The following KIF11 variants were observed in gnomAD, a reference collection of about 807,000 sequenced individuals.
The protein encoded by KIF11 is kinesin-like protein KIF11.
Under a neutral mutation model 121.0 loss-of-function variants are expected in KIF11, and 9 were observed. The observed-to-expected ratio is 0.07, with a 90% CI of 0.04 to 0.13. The LOEUF (loss-of-function observed/expected upper bound fraction) is 0.13, where lower values mean the gene tolerates loss of function less well. Among genes scored for constraint, KIF11 ranks in the 10% least tolerant of loss-of-function variants. The pLI is 1.00. For synonymous variants in KIF11, 408 were observed against 421.0 expected (o/e 0.97, Z 0.38); for missense variants, 846 against 1,217.5 (o/e 0.69, Z 4.54).
chr10:92,644,803 C>G (rs536503842), intron 17 of KIF11, among the ~76,000 whole-genome samples: 1 of 152,142 alleles, frequency 6.6e-6, no homozygotes, highest in African/African-American at 2.4e-5. Context: ...TGGAAATTAT[C>G]AATGAATTTT....
chr10:92,600,255 G>A (rs373000512), intron 1 of KIF11, among the ~76,000 whole-genome samples: 4 of 151,546 alleles, frequency 2.6e-5, no homozygotes, highest in East Asian at 2.0e-4. Flanking sequence ...CGCCCGCTTC[G>A]GCCTCCCAAA....
chr10:92,647,893 G>GAA (rs1844936877), intron 18 of KIF11, among the ~76,000 whole-genome samples: 1 of 152,120 alleles, frequency 6.6e-6, no homozygotes, highest in Non-Finnish European at 1.5e-5. Flanking sequence ...CAGATTGCTT[G>GAA]AGCCCAGGAG....
rs1290567787 is a variant in KIF11 at position 92,645,451 on chromosome 10, T to C, written c.2356T>C (p.Phe786Leu). ...TGGCTTCTCACAGGAACTCAGAAAT[T>C]TTAACCAAGAAGGTACAAAATTGGT... ...SDGFSQELRN[F>L]NQEGTKLVEE... Residue 786 changes from phenylalanine to leucine, a missense_variant, in exon 18 of 22, where the codon TTT (phenylalanine) becomes CTT (leucine). By Grantham distance (22) the Phe-to-Leu change is conservative. This residue lies in a region of KIF11 where 492 missense variants were observed against 603.4 expected (regional missense o/e 0.82). Coordinates refer to ENST00000260731, the MANE Select transcript of KIF11 (RefSeq NM_004523.4). 1 of 1,614,090 alleles carries C rather than the reference T, an allele frequency of 6.2e-7. No homozygotes were observed. The highest frequency in any genetic ancestry group is 2.2e-5 in the East Asian group (1 of 44,872).
At chr10:92,631,123 TA>T (rs879436165) in intron 12 of KIF11, among the ~76,000 whole-genome samples, 1,629 of 136,806 alleles carry the variant, frequency 0.012, 18 homozygotes, top group African/African-American at 0.034. Context: ...CCATCTCTAC[TA>T]AAAAAAAAAA....
chr10:92,650,935 T>G (rs968131324), intron 21 of KIF11, among the ~76,000 whole-genome samples: 1 of 152,150 alleles, frequency 6.6e-6, no homozygotes, highest in Admixed American at 6.5e-5. Flanking sequence ...ATTAGTGATT[T>G]CTCCTGCCTG....
rs550036730 is a variant in KIF11 at position 92,599,629 on chromosome 10, G to T, written c.77+6177G>T. ...TTATTAGTTCTAACAGTTTTTTTTTGTGTGTGTGTAATTTTAGAGTTTTCT... is the reference window on the plus strand; with the variant it reads ...TTATTAGTTCTAACAGTTTTTTTTTTTGTGTGTGTAATTTTAGAGTTTTCT... On this transcript the variant is annotated intron_variant, in intron 1 of 21. Transcript: ENST00000260731. 1.1e-3 allele frequency among the ~76,000 whole-genome samples: 159 copies of T among 147,728 alleles called. 3 individuals carry two copies. Among genetic ancestry groups the T allele is most frequent in the Middle Eastern group, 3.5e-3 (1 of 288 alleles).
chr10:92,618,506 C>T (rs1011034054), intron 9 of KIF11, among the ~76,000 whole-genome samples: 3 of 151,432 alleles, frequency 2.0e-5, no homozygotes, highest in Admixed American at 6.6e-5. Context: ...ATTAGCTGAG[C>T]GTAGTGGCAC....
At position 92,613,565 on chromosome 10, in the gene KIF11, G is replaced by A. The variant is rs1189108862; in HGVS notation, c.978G>A (p.Gly326=). ...LTRILQDSLG[G]RTRTSIIATI... ...GAATCCTCCAGGATTCTCTTGGAGG[G>A]CGTACAAGAACATCTATAATTGCAA... Residue 326 remains glycine (G), a synonymous_variant, in exon 8 of 22, where the codon GGG becomes GGA. Transcript: ENST00000260731. This position sits in a 1 kb window ranked among gnomAD's most constrained non-coding sequence, Gnocchi z 4.2. 1 of 1,611,462 alleles carries A rather than the reference G, an allele frequency of 6.2e-7. No individual in the cohort carries two copies. Among genetic ancestry groups the A allele is most frequent in the Non-Finnish European group, 8.5e-7 (1 of 1,177,762 alleles).
In KIF11 at chr10:92,653,791, C is replaced by A. The variant is rs1845014504; in HGVS notation, c.3166C>A (p.Leu1056Ile). Residue 1056 changes from leucine to isoleucine, a missense_variant, in exon 22 of 22, where the codon CTT becomes ATT. Physicochemically the swap from Leu to Ile is conservative, Grantham distance 5 (BLOSUM62 2). Transcript: ENST00000260731. ...ATTACCTCTGCGAGCCCAGATCAAC[C>A]TTTAATTCACTTGGGGGTTGGCAAT... is the stretch of plus-strand genomic sequence containing the variant. ...SRLPLRAQIN[L>I] 6.2e-7 allele frequency: 1 copy of A among 1,605,130 alleles called. No homozygotes were observed. The highest frequency in any genetic ancestry group is 1.8e-5 in the Admixed American group (1 of 56,820).
intron 10 of KIF11, among the ~76,000 whole-genome samples, chr10:92,625,512 C>A (rs1188514975): frequency 1.3e-5 from 2 of 151,940 alleles, no homozygotes; most frequent in Non-Finnish European, 2.9e-5. Flanking sequence ...CCATGCCCGG[C>A]TAATTTTTGT....
At chr10:92,604,778 T>C (rs1007265481) in intron 1 of KIF11, among the ~76,000 whole-genome samples, 1 of 152,198 alleles carries the variant, frequency 6.6e-6, no homozygotes, top group Non-Finnish European at 1.5e-5. Flanking sequence ...GTCAAGATTA[T>C]GTCTCTCCCT....
chr10:92,621,520 A>G (rs766722331), intron 10 of KIF11, 47 bp downstream of exon 10: 12 of 1,119,212 alleles, frequency 1.1e-5, no homozygotes, highest in African/African-American at 3.1e-5. Flanking sequence ...AGCATTTCTG[A>G]TAACAGGCTA....
At chr10:92,620,130 G>C (rs2135909103) in intron 9 of KIF11, among the ~76,000 whole-genome samples, 1 of 144,050 alleles carries the variant, frequency 6.9e-6, no homozygotes, top group African/African-American at 2.6e-5. Context: ...GCCCAGGCTA[G>C]AGTGCAGTGG....
chr10:92,648,130 A>C, intron 18 of KIF11, 82 bp from the exon 19 acceptor site: 2 of 1,004,316 alleles, frequency 2.0e-6, no homozygotes, highest in Non-Finnish European at 2.9e-6. Context: ...AAATTATGGA[A>C]AAGGTAAGGG....
intron 10 of KIF11, among the ~76,000 whole-genome samples, 167 bp from the exon 11 acceptor site, chr10:92,628,641 T>C (rs1309294939): frequency 6.6e-6 from 1 of 152,222 alleles, no homozygotes; most frequent in Non-Finnish European, 1.5e-5. Context: ...CTTTGTAATT[T>C]GTATTTATTG....
chr10:92,653,815 A>G lies in KIF11; in HGVS notation c.*19A>G, dbSNP rs138267534. On this transcript the variant is annotated 3_prime_UTR_variant, in exon 22 of 22. Coordinates refer to ENST00000260731, the MANE Select transcript of KIF11 (RefSeq NM_004523.4). ...CCTTTAATTCACTTGGGGGTTGGCA[A>G]TTTTATTTTTAAAGAAAACTTAAAA... The G allele has an allele frequency of 4.3e-3, 6,788 of 1,591,102 alleles. 24 individuals are homozygous for G. The highest frequency in any genetic ancestry group is 5.3e-3 in the Non-Finnish European group (6,168 of 1,173,192).
At chr10:92,595,706 C>T (rs780115480) in intron 1 of KIF11, among the ~76,000 whole-genome samples, 4 of 152,176 alleles carry the variant, frequency 2.6e-5, no homozygotes, top group Non-Finnish European at 4.4e-5. Flanking sequence ...AACTGAAACT[C>T]TATACACATT....
At chr10:92,594,317 T>C (rs963780376) in intron 1 of KIF11, among the ~76,000 whole-genome samples, 1 of 152,232 alleles carries the variant, frequency 6.6e-6, no homozygotes, top group Non-Finnish European at 1.5e-5. Context: ...TATTGTTTAC[T>C]CAGCCCTGGT....
chr10:92,613,413 G>A lies in KIF11; in HGVS notation c.826G>A (p.Gly276Arg). Residue 276 changes from glycine (G) to arginine (R), a missense_variant, in exon 8 of 22, where the codon GGA becomes AGA. Coordinates refer to ENST00000260731, the MANE Select transcript of KIF11 (RefSeq NM_004523.4). The surrounding 1 kb of genome is among the most constrained non-coding windows in gnomAD (Gnocchi z 4.2). ...AGGAAGTGAAAACATTGGCCGTTCTGGAGCTGTTGATAAGAGAGCTCGGGA... is the reference window on the plus strand; with the variant it reads ...AGGAAGTGAAAACATTGGCCGTTCTAGAGCTGTTGATAAGAGAGCTCGGGA... Reference protein sequence around the residue: ...LAGSENIGRSGAVDKRAREAG... With the variant: ...LAGSENIGRSRAVDKRAREAG... 4 of 1,611,036 alleles carry A rather than the reference G, an allele frequency of 2.5e-6. No individual in the cohort carries two copies. The highest frequency in any genetic ancestry group is 1.7e-6 in the Non-Finnish European group (2 of 1,177,312).
Sources: gnomAD v4.1 joint callset for allele counts (sites outside exome capture counted in the v4.1 genomes callset) on GRCh38, gnomAD v4.1.1 for gene constraint, gnomAD v4.1.1 regional missense constraint, Gnocchi (gnomAD v3.1) non-coding constraint, MANE v1.5 for transcripts, NCBI Gene and HGNC (gene_info 2026-07-23, HGNC 2026-07-21) for gene names.